Variants in LAMC2 observed in about 807,000 individuals in gnomAD.
The protein encoded by LAMC2 is laminin subunit gamma 2, also known as laminin subunit gamma-2.
LAMC2 carries 97 observed loss-of-function variants against 140.2 expected under a neutral mutation model. That is an observed-to-expected ratio of 0.69 (90% confidence interval 0.59 to 0.82). The LOEUF is 0.82. LAMC2 is among the 40% of genes least tolerant of loss of function. LAMC2 has a pLI of 0.00. For synonymous variants in LAMC2, 513 were observed against 540.2 expected (o/e 0.95, Z 0.70); for missense variants, 1,402 against 1,476.1 (o/e 0.95, Z 0.82).
At chr1:183,217,358 C>CAAA (rs1409895703) in intron 3 of LAMC2, among the ~76,000 whole-genome samples, 1 of 149,888 alleles carries the variant, frequency 6.7e-6, no homozygotes, top group African/African-American at 2.5e-5. Flanking sequence ...TTGCCACAAA[C>CAAA]AAACAAACAA....
intron 1 of LAMC2, among the ~76,000 whole-genome samples, chr1:183,204,789 A>G (rs1275684243): frequency 6.6e-6 from 1 of 152,154 alleles, no homozygotes; most frequent in East Asian, 1.9e-4. Context: ...AGCTGCCCTT[A>G]TGAAGTTAAT....
Position 183,222,155 on chromosome 1 carries a change from A to G in LAMC2, c.707A>G (p.His236Arg), listed in dbSNP as rs1254078233. Residue 236 changes from histidine (H) to arginine (R), a missense_variant, in exon 6 of 23, where the codon CAT (histidine) becomes CGT (arginine). This residue lies in a region of LAMC2 where 723 missense variants were observed against 783.3 expected (regional missense o/e 0.92). Coordinates refer to ENST00000264144, the MANE Select transcript of LAMC2 (RefSeq NM_005562.3). Reference sequence around the variant, plus strand: ...GCAAAGCTCCAATGGTCACAGCGCCATCAAGATGTGTTTAGCTCAGCCCAA... The same window carrying G: ...GCAAAGCTCCAATGGTCACAGCGCCGTCAAGATGTGTTTAGCTCAGCCCAA... ...SPAKLQWSQR[H>R]QDVFSSAQRL... 1 of 1,614,178 alleles carries G rather than the reference A, an allele frequency of 6.2e-7. No individual in the cohort carries two copies. The highest frequency in any genetic ancestry group is 1.7e-5 in the Admixed American group (1 of 60,024).
intron 1 of LAMC2, among the ~76,000 whole-genome samples, chr1:183,205,908 GAA>G (rs1054886230): frequency 6.6e-6 from 1 of 152,064 alleles, no homozygotes; most frequent in South Asian, 2.1e-4. Context: ...GAAAATTACA[GAA>G]AGAGAGGTAG....
chr1:183,187,926 A>T (rs1658204325), intron 1 of LAMC2, among the ~76,000 whole-genome samples: 1 of 152,270 alleles, frequency 6.6e-6, no homozygotes. Context: ...AATAAGATAC[A>T]TCTTTTATAC....
intron 17 of LAMC2, among the ~76,000 whole-genome samples, 173 bp from the exon 18 acceptor site, chr1:183,237,179 T>A (rs1659989965): frequency 6.6e-6 from 1 of 152,214 alleles, no homozygotes; most frequent in African/African-American, 2.4e-5. Flanking sequence ...TGCCTTACTT[T>A]CATTGGGCAT....
intron 1 of LAMC2, among the ~76,000 whole-genome samples, chr1:183,201,382 C>A (rs1658701689): frequency 6.6e-6 from 1 of 152,098 alleles, no homozygotes; most frequent in African/African-American, 2.4e-5. Context: ...CAAATCCTTG[C>A]ATGAGCTCTA....
intron 1 of LAMC2, among the ~76,000 whole-genome samples, chr1:183,201,218 T>C (rs648341): frequency 0.32 from 48,743 of 152,120 alleles, 8,227 homozygotes; most frequent in Middle Eastern, 0.41. Flanking sequence ...CAGAGTTCAG[T>C]GAAAGATGGA....
At chr1:183,249,216 A>G (rs1660308495), downstream of LAMC2, 1 of 152,176 alleles carries the variant, frequency 6.6e-6, no homozygotes, top group African/African-American at 2.4e-5. Context: ...CATTCAAGGA[A>G]AATGAAAGCA....
At chr1:183,246,513 G>A (rs1317366932), downstream of LAMC2, among the ~76,000 whole-genome samples, 3 of 152,196 alleles carry the variant, frequency 2.0e-5, no homozygotes, top group Admixed American at 6.5e-5. Flanking sequence ...TATTACAAAT[G>A]TCATCATCTA....
chr1:183,235,201 G>A (rs1348260468), intron 15 of LAMC2, among the ~76,000 whole-genome samples: 1 of 152,110 alleles, frequency 6.6e-6, no homozygotes, highest in Non-Finnish European at 1.5e-5. Context: ...TAGAGCTGAA[G>A]CGAAAGTGCG....
intron 22 of LAMC2, 71 bp from the exon 23 acceptor site, chr1:183,243,076 A>T: frequency 6.4e-7 from 1 of 1,566,218 alleles, no homozygotes; most frequent in Non-Finnish European, 8.8e-7. Context: ...TGGGTATAGA[A>T]GGGCACGGGT....
chr1:183,217,201 G>A (rs530787541), intron 3 of LAMC2, among the ~76,000 whole-genome samples: 16 of 152,138 alleles, frequency 1.1e-4, no homozygotes, highest in Non-Finnish European at 1.8e-4. Flanking sequence ...GAACGGATCA[G>A]TAGAGAAGAG....
chr1:183,204,090 G>C (rs892611877), intron 1 of LAMC2, among the ~76,000 whole-genome samples: 14 of 152,116 alleles, frequency 9.2e-5, no homozygotes, highest in Non-Finnish European at 1.9e-4. Flanking sequence ...AGGAGTTTAA[G>C]ACCAGCCTGG....
intron 3 of LAMC2, among the ~76,000 whole-genome samples, chr1:183,217,291 G>A (rs565015107): frequency 6.6e-6 from 1 of 152,252 alleles, no homozygotes; most frequent in Admixed American, 6.5e-5. Context: ...GGATGGATGA[G>A]ATAGGGAGAT....
intron 6 of LAMC2, 58 bp downstream of exon 6, chr1:183,222,269 T>C (rs1044117327): frequency 1.8e-5 from 29 of 1,578,448 alleles, no homozygotes; most frequent in Admixed American, 3.3e-5. Context: ...GAAGTCAAGA[T>C]AGAGAAATTG....
intron 2 of LAMC2, among the ~76,000 whole-genome samples, chr1:183,212,487 G>T (rs1048225989): frequency 6.6e-6 from 1 of 151,708 alleles, no homozygotes; most frequent in Non-Finnish European, 1.5e-5. Flanking sequence ...GCCTTCCATT[G>T]CTCATTGTTT....
Position 183,225,654 on chromosome 1 carries a change from T to C in LAMC2, c.1000T>C (p.Phe334Leu). 6.2e-7 allele frequency: 1 copy of C among 1,614,168 alleles called. No individual in the cohort carries two copies. The highest frequency in any genetic ancestry group is 8.5e-7 in the Non-Finnish European group (1 of 1,179,982). The change falls in exon 8 of 23, where the codon TTT becomes CTT. Residue 334 changes from phenylalanine to leucine, a missense_variant. This residue lies in a region of LAMC2 where 723 missense variants were observed against 783.3 expected (regional missense o/e 0.92). Coordinates refer to ENST00000264144, the MANE Select transcript of LAMC2 (RefSeq NM_005562.3). ...TAATTGGAGCCCCCAGCTGAGTTAC[T>C]TTGAGTATCGAAGGTTACTGCGGAA... ...SNNWSPQLSYFEYRRLLRNLT... is the reference protein window; with the variant it reads ...SNNWSPQLSYLEYRRLLRNLT...
Position 183,227,698 on chromosome 1 carries a change from G to T in LAMC2, c.1468+1G>T, listed in dbSNP as rs1043996591. The stretch of plus-strand genomic sequence containing the variant: ...AATAACTGCCCTCCCGGGGTCACCG[G>T]TAAGGCCATGGGTCTGCTCTGCCAC... On this transcript the variant is annotated splice_donor_variant, in intron 10 of 22. Transcript: ENST00000264144. LOFTEE classifies it high-confidence loss of function. The T allele has an allele frequency of 3.1e-6, 5 of 1,613,912 alleles. No individual in the cohort carries two copies. The African/African-American group carries it at 6.7e-5, about 22-fold the overall frequency.
intron 2 of LAMC2, among the ~76,000 whole-genome samples, chr1:183,214,676 A>G (rs1659196257): frequency 6.6e-6 from 1 of 152,062 alleles, no homozygotes; most frequent in Non-Finnish European, 1.5e-5. Context: ...TGGAGTGTGG[A>G]GAGGCAAGGA....
Sources: gnomAD v4.1 joint callset for allele counts (sites outside exome capture counted in the v4.1 genomes callset) on GRCh38, gnomAD v4.1.1 for gene constraint, gnomAD v4.1.1 regional missense constraint, MANE v1.5 for transcripts, NCBI Gene and HGNC (gene_info 2026-07-23, HGNC 2026-07-21) for gene names.